ACTL6B: variants seen among roughly 807,000 people sequenced by gnomAD.
ACTL6B encodes actin-like protein 6B.
Under a neutral mutation model 63.3 loss-of-function variants are expected in ACTL6B, and 48 were observed. That is an observed-to-expected ratio of 0.76 (90% CI 0.60 to 0.96). The LOEUF (loss-of-function observed/expected upper bound fraction) is 0.96, where lower values mean the gene tolerates loss of function less well. Among genes scored for constraint, ACTL6B ranks in the 50% least tolerant of loss-of-function variants. The probability of loss-of-function intolerance (pLI) is 0.00; values close to 1 mark genes in which losing one functional copy is unlikely to be tolerated. For missense variants in ACTL6B, 350 were observed against 572.2 expected (o/e 0.61, Z 3.96); for synonymous variants, 230 against 223.8 (o/e 1.03, Z -0.25).
chr7:100,653,809 C>T (rs961183228), intron 4 of ACTL6B, among the ~76,000 whole-genome samples: 2 of 151,880 alleles, frequency 1.3e-5, no homozygotes, highest in African/African-American at 4.8e-5. Context: ...GAAAATTCAG[C>T]GATAATACCT....
Position 100,655,998 on chromosome 7 carries a change from G to T in ACTL6B, c.26-119C>A, listed in dbSNP as rs1175237848. ...CCACTTTCAACACCAGTCTGGGGCC[G>T]GTGGGAGCTGGGCCTGGAGTCCGAG... On this transcript the variant is annotated intron_variant, in intron 1 of 13. Transcript: ENST00000160382. This position sits in a 1 kb window ranked among gnomAD's most constrained non-coding sequence, Gnocchi z 4.4. 1 of 1,047,612 alleles carries T rather than the reference G, an allele frequency of 9.5e-7. No individual in the cohort carries two copies. Among genetic ancestry groups the T allele is most frequent in the South Asian group, 1.6e-5 (1 of 61,770 alleles). 64.9% of individuals were successfully genotyped at this position (1,047,612 alleles called of 1,614,324 possible).
rs1311866902 is a variant in ACTL6B, at chr7:100,646,016, C to T, written c.1200+233G>A. Among the ~76,000 whole-genome samples the T allele has an allele frequency of 6.6e-6, 1 of 152,236 alleles. No individual in the cohort carries two copies. The highest frequency in any genetic ancestry group is 2.4e-5 in the African/African-American group (1 of 41,466). Reference sequence around the variant, plus strand: ...CAACTCCTAGCCTCAAGCCATCCCCCCACTTCAGCCACCCAAAGTGCTGGG... The same window carrying T: ...CAACTCCTAGCCTCAAGCCATCCCCTCACTTCAGCCACCCAAAGTGCTGGG... On this transcript the variant is annotated intron_variant, in intron 13 of 13. Transcript: ENST00000160382. This position sits in a 1 kb window ranked among gnomAD's most constrained non-coding sequence, Gnocchi z 6.1.
In ACTL6B at chr7:100,647,461, G is replaced by T; in HGVS notation, c.742C>A (p.His248Asn). The T allele has an allele frequency of 6.2e-7, 1 of 1,612,676 alleles. No individual in the cohort carries two copies. The highest frequency in any genetic ancestry group is 8.5e-7 in the Non-Finnish European group (1 of 1,179,314). ...EKLPQVSKSWHNYMCNEVIQD... is the reference protein window; with the variant it reads ...EKLPQVSKSWNNYMCNEVIQD... Reference sequence around the variant, plus strand: ...AGGCTCACATTACACATGTAGTTATGCCAGGACTTGGAGACCTGGGGTAGC... The same window carrying T: ...AGGCTCACATTACACATGTAGTTATTCCAGGACTTGGAGACCTGGGGTAGC... The change falls in exon 8 of 14, where the codon CAT becomes AAT. Residue 248 changes from histidine to asparagine, a missense_variant. His to Asn is a moderately conservative substitution (Grantham distance 68). Around this residue, in one of 3 missense-constraint regions of ACTL6B, gnomAD observed 250 missense variants for 364.7 expected, o/e 0.69. Transcript: ENST00000160382. This position sits in a 1 kb window ranked among gnomAD's most constrained non-coding sequence, Gnocchi z 4.4.
chr7:100,647,584 C>G lies in ACTL6B; in HGVS notation c.670-51G>C. Reference sequence around the variant, plus strand: ...CCTTTCCTAGCCCACCTGACCCCCACCCCCACCTTCCTGGCACTGTTCCCA... The same window carrying G: ...CCTTTCCTAGCCCACCTGACCCCCAGCCCCACCTTCCTGGCACTGTTCCCA... On this transcript the variant is annotated intron_variant, in intron 7 of 13. Coordinates refer to ENST00000160382, the MANE Select transcript of ACTL6B (RefSeq NM_016188.5). This position sits in a 1 kb window ranked among gnomAD's most constrained non-coding sequence, Gnocchi z 4.4. 2 of 1,347,938 alleles carry G rather than the reference C, an allele frequency of 1.5e-6. No individual in the cohort carries two copies. 83.5% of individuals were successfully genotyped at this position (1,347,938 alleles called of 1,614,324 possible).
chr7:100,648,533 C>A lies in ACTL6B; in HGVS notation c.669+23G>T. On this transcript the variant is annotated intron_variant, in intron 7 of 13. Transcript: ENST00000160382. The surrounding 1 kb of genome is among the most constrained non-coding windows in gnomAD (Gnocchi z 4.4). ...CGAGTGGCCAGGACTCTAGTGGCAG[C>A]TCCATGTCCCCAGAGGCCCCACCTT... The A allele has an allele frequency of 6.4e-7, 1 of 1,561,618 alleles. No individual in the cohort carries two copies. Among genetic ancestry groups the A allele is most frequent in the South Asian group, 1.2e-5 (1 of 83,558 alleles).
At position 100,643,153 on chromosome 7, in the gene ACTL6B, G is replaced by A. The variant is rs1265497592; in HGVS notation, c.*93C>T. 7.8e-6 allele frequency: 10 copies of A among 1,275,368 alleles called. No homozygotes were observed. The African/African-American group carries it at 8.8e-5, about 11-fold the overall frequency. The allele number at this position is 1,275,368 out of a possible 1,614,324, so 79.0% of individuals were successfully genotyped here. A position where few individuals can be genotyped will look rare whatever the true frequency, so the allele number is the denominator to read the frequency against. ...AACCCAGAAACATCACCATTAATGA[G>A]GACAAGAGGGAAAGGAGGAGGGGGG... is the stretch of plus-strand genomic sequence containing the variant. On this transcript the variant is annotated 3_prime_UTR_variant, in exon 14 of 14. Coordinates refer to ENST00000160382, the MANE Select transcript of ACTL6B (RefSeq NM_016188.5).
chr7:100,654,970 A>T, intron 4 of ACTL6B, 49 bp downstream of exon 4: 1 of 1,477,300 alleles, frequency 6.8e-7, no homozygotes, highest in Non-Finnish European at 9.4e-7. Context: ...GGTGGGAAGG[A>T]GGTGCAGTGG....
chr7:100,649,872 C>CTGCACT (rs1803901793), intron 5 of ACTL6B, 166 bp downstream of exon 5: 1 of 606,628 alleles, frequency 1.6e-6, no homozygotes, highest in Non-Finnish European at 2.9e-6. Flanking sequence ...CGGAGGTGCT[C>CTGCACT]AGTCCACTGG....
chr7:100,654,163 G>A (rs1803993904), intron 4 of ACTL6B, among the ~76,000 whole-genome samples: 1 of 151,602 alleles, frequency 6.6e-6, no homozygotes, highest in African/African-American at 2.4e-5. Flanking sequence ...TAGTAGAGAT[G>A]GGGTTTCACC....
At position 100,655,034 on chromosome 7, in the gene ACTL6B, G is replaced by A. The variant is rs1804012415; in HGVS notation, c.354C>T (p.Leu118=). 1 of 1,613,872 alleles carries A rather than the reference G, an allele frequency of 6.2e-7. No homozygotes were observed. The highest frequency in any genetic ancestry group is 1.3e-5 in the African/African-American group (1 of 74,904). ...VKSEPNLHPV[L]MSEAPWNTRA... ...AGGCACTCACCGGAGCCTCGGACAT[G>A]AGCACTGGGTGCAGGTTTGGCTCAG... The change falls in exon 4 of 14, where the codon CTC becomes CTT. Residue 118 remains leucine (L), a synonymous_variant. Coordinates refer to ENST00000160382, the MANE Select transcript of ACTL6B (RefSeq NM_016188.5). The surrounding 1 kb of genome is among the most constrained non-coding windows in gnomAD (Gnocchi z 4.4).
In ACTL6B at chr7:100,648,728, C is replaced by A; in HGVS notation, c.562+1G>T. On this transcript the variant is annotated splice_donor_variant, in intron 6 of 13. Coordinates refer to ENST00000160382, the MANE Select transcript of ACTL6B (RefSeq NM_016188.5). LOFTEE classifies it high-confidence loss of function. The surrounding 1 kb of genome is among the most constrained non-coding windows in gnomAD (Gnocchi z 4.4). ...ACCCCCACCCCCTGCCGAAGCCCCACCTTGCTGCAGAACGTAGCCGTCATG... is the reference window on the plus strand; with the variant it reads ...ACCCCCACCCCCTGCCGAAGCCCCAACTTGCTGCAGAACGTAGCCGTCATG... 1 of 1,614,098 alleles carries A rather than the reference C, an allele frequency of 6.2e-7. No individual in the cohort carries two copies. Among genetic ancestry groups the A allele is most frequent in the Non-Finnish European group, 8.5e-7 (1 of 1,179,998 alleles).
intron 13 of ACTL6B, among the ~76,000 whole-genome samples, chr7:100,645,373 C>T (rs1201748000): frequency 1.3e-5 from 2 of 152,150 alleles, no homozygotes; most frequent in African/African-American, 4.8e-5. Context: ...CTAGTTGCCC[C>T]TTGCTGTCCA....
intron 5 of ACTL6B, 56 bp downstream of exon 5, chr7:100,649,982 G>A (rs1217173320): frequency 6.5e-7 from 1 of 1,533,678 alleles, no homozygotes; most frequent in Non-Finnish European, 9.0e-7. Context: ...GCTGAGCTCA[G>A]CACAGGCCCC....
At chr7:100,645,718 G>A (rs1350299964) in intron 13 of ACTL6B, among the ~76,000 whole-genome samples, 1 of 151,128 alleles carries the variant, frequency 6.6e-6, no homozygotes, top group Non-Finnish European at 1.5e-5. Context: ...TGCAGTCTCC[G>A]TCTCCTGGGT....
rs1332600218 is a variant in ACTL6B, at chr7:100,648,910, C to G, written c.468-87G>C. On this transcript the variant is annotated intron_variant, in intron 5 of 13. Transcript: ENST00000160382. This position sits in a 1 kb window ranked among gnomAD's most constrained non-coding sequence, Gnocchi z 4.4. Reference sequence around the variant, plus strand: ...CTTGTCTGGTCACTCTCTGCTCTACCGGGGTCCAGCCCATCCCCAGTCTGC... The same window carrying G: ...CTTGTCTGGTCACTCTCTGCTCTACGGGGGTCCAGCCCATCCCCAGTCTGC... The G allele has an allele frequency of 2.2e-6, 3 of 1,343,970 alleles. No homozygotes were observed. Among genetic ancestry groups the G allele is most frequent in the Non-Finnish European group, 3.0e-6 (3 of 989,274 alleles). The allele number at this position is 1,343,970 out of a possible 1,614,324, so 83.3% of individuals were successfully genotyped here.
Position 100,655,902 on chromosome 7 carries a change from A to G in ACTL6B, c.26-23T>C. 3 of 1,554,112 alleles carry G rather than the reference A, an allele frequency of 1.9e-6. No homozygotes were observed. Among genetic ancestry groups the G allele is most frequent in the Non-Finnish European group, 2.6e-6 (3 of 1,148,674 alleles). On this transcript the variant is annotated intron_variant, in intron 1 of 13. Transcript: ENST00000160382. This position sits in a 1 kb window ranked among gnomAD's most constrained non-coding sequence, Gnocchi z 4.4. The stretch of plus-strand genomic sequence containing the variant: ...CATCTGTGCGGGGAGACAGGCCTGT[A>G]AGGGGACCTCCCCCGAACTCTCTCC...
rs1398777504 is a variant in ACTL6B at position 100,643,097 on chromosome 7, T to G, written c.*149A>C. On this transcript the variant is annotated 3_prime_UTR_variant, in exon 14 of 14. Coordinates refer to ENST00000160382, the MANE Select transcript of ACTL6B (RefSeq NM_016188.5). ...ACTCCCCACCCCACGGAGGCCAAAC[T>G]TTTTTTTCTTAAAACATTTTTACTT... is the stretch of plus-strand genomic sequence containing the variant. 1 of 900,858 alleles carries G rather than the reference T, an allele frequency of 1.1e-6. No individual in the cohort carries two copies. Among genetic ancestry groups the G allele is most frequent in the African/African-American group, 1.7e-5 (1 of 59,278 alleles). The allele number at this position is 900,858 out of a possible 1,614,324, so 55.8% of individuals were successfully genotyped here. A position where few individuals can be genotyped will look rare whatever the true frequency, so the allele number is the denominator to read the frequency against.
chr7:100,648,997 CTT>C lies in ACTL6B; in HGVS notation c.468-176_468-175del, dbSNP rs749138723. On this transcript the variant is annotated intron_variant, in intron 5 of 13. Transcript: ENST00000160382. This position sits in a 1 kb window ranked among gnomAD's most constrained non-coding sequence, Gnocchi z 4.4. The stretch of plus-strand genomic sequence containing the variant: ...AAAGGCTCTGAGACCCCAGTTACTT[CTT>C]TTTTTTTTTTTTTGAGATGGAGTCT... Among the ~76,000 whole-genome samples, 11 of 142,456 alleles carry C rather than the reference CTT, an allele frequency of 7.7e-5. No homozygotes were observed. Among genetic ancestry groups the C allele is most frequent in the African/African-American group, 7.7e-5 (3 of 39,062 alleles). 93.5% of individuals were successfully genotyped at this position (142,456 alleles called of 152,430 possible).
chr7:100,654,948 G>A, intron 4 of ACTL6B, 71 bp downstream of exon 4: 1 of 1,302,806 alleles, frequency 7.7e-7, no homozygotes, highest in South Asian at 1.2e-5. Context: ...GGGGAGAGGA[G>A]GAGAGGTGGA....
Sources: allele counts gnomAD v4.1 joint callset (sites outside exome capture counted in the v4.1 genomes callset), GRCh38; gene constraint gnomAD v4.1.1; regional missense constraint gnomAD v4.1.1; non-coding constraint Gnocchi (gnomAD v3.1); transcripts MANE v1.5; gene names NCBI Gene and HGNC (gene_info 2026-07-23, HGNC 2026-07-21).